The following TMEM273 variants were observed in gnomAD, a reference collection of about 807,000 sequenced individuals.
TMEM273 encodes transmembrane protein 273.
Under a neutral mutation model 17.9 loss-of-function variants are expected in TMEM273, and 19 were observed. The ratio of observed to expected loss-of-function variants is 1.06; its 90% CI spans 0.74 to 1.55. The LOEUF (loss-of-function observed/expected upper bound fraction) is 1.55, where lower values mean the gene tolerates loss of function less well. Ranked by LOEUF, TMEM273 falls within the 40% of genes most tolerant of loss-of-function variation. The pLI, the probability that TMEM273 is intolerant of heterozygous loss-of-function variation, is 0.00. For missense variants in TMEM273, 194 were observed against 155.6 expected, an observed-to-expected ratio of 1.25 and a Z score of -1.31; for synonymous variants, 66 against 62.0, an observed-to-expected ratio of 1.07 and a Z score of -0.31.
At chr10:49,174,746 C>A (rs193242840) in intron 1 of TMEM273, among the ~76,000 whole-genome samples, 121 of 152,252 alleles carry the variant, frequency 7.9e-4, no homozygotes, top group African/African-American at 2.7e-3. Flanking sequence ...AGCTTTTAGA[C>A]AACTCCTTGA....
At chr10:49,161,919 C>T (rs76596828) in intron 5 of TMEM273, among the ~76,000 whole-genome samples, 160 of 152,302 alleles carry the variant, frequency 1.1e-3, no homozygotes, top group African/African-American at 3.3e-3. Flanking sequence ...CCCATCCAGC[C>T]ATTGCCTCCC....
intron 1 of TMEM273, among the ~76,000 whole-genome samples, chr10:49,187,739 C>CTTT (rs979112675): frequency 2.6e-5 from 4 of 152,000 alleles, no homozygotes; most frequent in African/African-American, 9.7e-5. Context: ...TCCTTTCTTC[C>CTTT]TTCTTTCAAG....
At chr10:49,187,413 A>G (rs1847793600) in intron 1 of TMEM273, among the ~76,000 whole-genome samples, 1 of 152,220 alleles carries the variant, frequency 6.6e-6, no homozygotes, top group South Asian at 2.1e-4. Context: ...TGGTCTGGAG[A>G]CACAAGATTT....
At chr10:49,169,177 G>C (rs975498099) in intron 1 of TMEM273, among the ~76,000 whole-genome samples, 1 of 152,124 alleles carries the variant, frequency 6.6e-6, no homozygotes, top group African/African-American at 2.4e-5. Flanking sequence ...GCTGGGGATG[G>C]GCAAATGGTA....
At chr10:49,181,667 A>G (rs1847347761) in intron 1 of TMEM273, among the ~76,000 whole-genome samples, 1 of 152,208 alleles carries the variant, frequency 6.6e-6, no homozygotes. Flanking sequence ...TTAAAAAATT[A>G]CCTTGATTAA....
chr10:49,162,736 G>A (rs897291559), intron 5 of TMEM273, among the ~76,000 whole-genome samples: 1 of 152,050 alleles, frequency 6.6e-6, no homozygotes, highest in Non-Finnish European at 1.5e-5. Flanking sequence ...ATGGTGCCAG[G>A]GTCTTCGCCA....
rs1847850267 is a variant in TMEM273 at position 49,188,310 on chromosome 10, C to A, written c.27G>T (p.Arg9Ser). MNLGVSML[R>S]ILFLLDVGGA... ...CCCACTTACCCAGGAGGAAGAGGAT[C>A]CTCAGCATGCTGACCCCCAAGTTCA... Residue 9 changes from arginine (R) to serine (S), a missense_variant, in exon 1 of 7, where the codon AGG becomes AGT. Coordinates refer to ENST00000374153, the MANE Select transcript of TMEM273 (RefSeq NM_001288740.3). The A allele has an allele frequency of 6.2e-7, 1 of 1,614,188 alleles. No individual in the cohort carries two copies.
At chr10:49,178,907 G>C (rs1186268974) in intron 1 of TMEM273, among the ~76,000 whole-genome samples, 2 of 152,206 alleles carry the variant, frequency 1.3e-5, no homozygotes, top group Admixed American at 6.5e-5. Flanking sequence ...CTGGGTGTCT[G>C]TGTGTCCCAG....
intron 1 of TMEM273, among the ~76,000 whole-genome samples, chr10:49,173,613 C>T (rs1267714000): frequency 6.6e-6 from 1 of 152,172 alleles, no homozygotes; most frequent in African/African-American, 2.4e-5. Flanking sequence ...CTGTTGGCCC[C>T]AGTCTGCAGC....
At chr10:49,178,752 A>G (rs1847160179) in intron 1 of TMEM273, among the ~76,000 whole-genome samples, 1 of 152,174 alleles carries the variant, frequency 6.6e-6, no homozygotes, top group African/African-American at 2.4e-5. Flanking sequence ...TTCTTCTGTG[A>G]GTCCTTCGTC....
chr10:49,165,726 A>G (rs1356582014), intron 4 of TMEM273, 40 bp downstream of exon 4: 2 of 1,612,426 alleles, frequency 1.2e-6, no homozygotes, highest in Non-Finnish European at 1.7e-6. Context: ...ACAGGAGAGA[A>G]CACGATACCT....
At chr10:49,176,271 G>A (rs978519180) in intron 1 of TMEM273, among the ~76,000 whole-genome samples, 11 of 152,308 alleles carry the variant, frequency 7.2e-5, no homozygotes, top group South Asian at 4.1e-4. Flanking sequence ...CAAGCACACC[G>A]GGAGGCACTC....
intron 1 of TMEM273, among the ~76,000 whole-genome samples, chr10:49,183,768 G>C (rs1409789607): frequency 1.3e-5 from 2 of 152,170 alleles, no homozygotes; most frequent in Non-Finnish European, 2.9e-5. Flanking sequence ...GGGTCCACGT[G>C]GGAGTGCTGA....
intron 5 of TMEM273, among the ~76,000 whole-genome samples, chr10:49,164,452 C>G (rs1053785371): frequency 6.6e-6 from 1 of 152,182 alleles, no homozygotes; most frequent in Non-Finnish European, 1.5e-5. Context: ...CTGGGCCCTC[C>G]TCCATGCCAC....
intron 3 of TMEM273, among the ~76,000 whole-genome samples, chr10:49,166,285 G>A (rs1297803540): frequency 6.6e-6 from 1 of 152,186 alleles, no homozygotes; most frequent in Non-Finnish European, 1.5e-5. Context: ...GAGGCAGAGG[G>A]CTGTGCCATG....
At chr10:49,187,900 T>G (rs985748564) in intron 1 of TMEM273, among the ~76,000 whole-genome samples, 2 of 152,238 alleles carry the variant, frequency 1.3e-5, no homozygotes, top group African/African-American at 4.8e-5. Context: ...TTGATTTGAC[T>G]TAATTAAATT....
intron 6 of TMEM273, among the ~76,000 whole-genome samples, chr10:49,156,738 C>T (rs569433487): frequency 6.6e-6 from 1 of 152,270 alleles, no homozygotes; most frequent in African/African-American, 2.4e-5. Context: ...GGACAAGCCA[C>T]GTCAAAGGCC....
intron 6 of TMEM273, chr10:49,160,756 A>G (rs766258148): frequency 6.6e-6 from 1 of 152,212 alleles, no homozygotes; most frequent in Non-Finnish European, 1.5e-5. Context: ...TTGCAAGTAG[A>G]TCAGTCAAAA....
chr10:49,187,064 C>T (rs2132318192), intron 1 of TMEM273, among the ~76,000 whole-genome samples: 1 of 152,242 alleles, frequency 6.6e-6, no homozygotes, highest in East Asian at 1.9e-4. Context: ...ATTTAACTTC[C>T]TTTTTTTGTA....
Sources: allele counts gnomAD v4.1 joint callset (sites outside exome capture counted in the v4.1 genomes callset), GRCh38; gene constraint gnomAD v4.1.1; transcripts MANE v1.5; gene names NCBI Gene and HGNC (gene_info 2026-07-23, HGNC 2026-07-21).